The following GPATCH2 variants were observed in gnomAD, a reference collection of about 807,000 sequenced individuals.
GPATCH2 encodes G patch domain-containing protein 2.
In GPATCH2, 51 loss-of-function variants were observed where a neutral mutation model predicts 58.0. The ratio of observed to expected loss-of-function variants is 0.88; its 90% CI spans 0.70 to 1.11. The LOEUF (loss-of-function observed/expected upper bound fraction) is 1.11. Among genes scored for constraint, GPATCH2 ranks in the 50% most tolerant of loss-of-function variants. The pLI is 0.00. For synonymous variants in GPATCH2, 222 were observed against 218.5 expected, an observed-to-expected ratio of 1.02 and a Z score of -0.14; for missense variants, 625 against 652.2, an observed-to-expected ratio of 0.96 and a Z score of 0.45.
At chr1:217,605,601 T>TC (rs567680096) in intron 5 of GPATCH2, among the ~76,000 whole-genome samples, 22 of 152,224 alleles carry the variant, frequency 1.4e-4, no homozygotes, top group Non-Finnish European at 2.6e-4. Context: ...GTCATTTATT[T>TC]CCTGATCTTT....
intron 8 of GPATCH2, among the ~76,000 whole-genome samples, chr1:217,453,281 G>C (rs922315127): frequency 6.6e-6 from 1 of 152,130 alleles, no homozygotes; most frequent in African/African-American, 2.4e-5. Flanking sequence ...ACAATATTAA[G>C]ATCCTTTTGT....
intron 8 of GPATCH2, among the ~76,000 whole-genome samples, chr1:217,450,433 G>T (rs1284841796): frequency 6.6e-6 from 1 of 152,040 alleles, no homozygotes. Flanking sequence ...TAAATATAAT[G>T]AAAAATTAGT....
At chr1:217,437,500 C>T (rs1450022730) in intron 9 of GPATCH2, among the ~76,000 whole-genome samples, 2 of 152,164 alleles carry the variant, frequency 1.3e-5, no homozygotes. Context: ...TTCTCACTGC[C>T]AGCACAGTAG....
chr1:217,557,013 G>A (rs1217638995), intron 5 of GPATCH2, among the ~76,000 whole-genome samples: 1 of 152,030 alleles, frequency 6.6e-6, no homozygotes, highest in South Asian at 2.1e-4. Context: ...CTTTACTTTC[G>A]CTCATCTTTC....
intron 5 of GPATCH2, among the ~76,000 whole-genome samples, chr1:217,559,491 C>A (rs962523160): frequency 1.3e-5 from 2 of 152,158 alleles, no homozygotes; most frequent in Non-Finnish European, 2.9e-5. Context: ...TCACTATCAC[C>A]CACCTTGCCC....
At chr1:217,523,754 G>T (rs1244017452) in intron 5 of GPATCH2, among the ~76,000 whole-genome samples, 4 of 149,716 alleles carry the variant, frequency 2.7e-5, no homozygotes, top group Non-Finnish European at 5.9e-5. Context: ...GGGCGGCCGG[G>T]CAGAGGCGCC....
chr1:217,583,198 A>T (rs543173206), intron 5 of GPATCH2, among the ~76,000 whole-genome samples: 2 of 152,326 alleles, frequency 1.3e-5, no homozygotes, highest in South Asian at 2.1e-4. Context: ...ACAAAAAAAC[A>T]ATGAAATGAA....
intron 9 of GPATCH2, among the ~76,000 whole-genome samples, chr1:217,433,784 C>T (rs942378055): frequency 1.3e-5 from 2 of 152,164 alleles, no homozygotes; most frequent in Non-Finnish European, 2.9e-5. Context: ...CAGCATTGAA[C>T]CAACGGTGTA....
At position 217,537,913 on chromosome 1, in the gene GPATCH2, A is replaced by T. The variant is rs148003587; in HGVS notation, c.1099-23024T>A. On this transcript the variant is annotated intron_variant, in intron 5 of 9. Coordinates refer to ENST00000366935, the MANE Select transcript of GPATCH2 (RefSeq NM_018040.5). The stretch of plus-strand genomic sequence containing the variant: ...ATTATAATATCTAACTACTATACAT[A>T]TTTATTTCTTTCAGTAACAAACACT... 4.1e-3 allele frequency among the ~76,000 whole-genome samples: 632 copies of T among 152,302 alleles called. 8 individuals are homozygous for T. The highest frequency in any genetic ancestry group is 0.014 in the African/African-American group (597 of 41,570).
At chr1:217,479,385 T>G (rs900194231) in intron 8 of GPATCH2, among the ~76,000 whole-genome samples, 16 of 152,080 alleles carry the variant, frequency 1.1e-4, no homozygotes, top group Non-Finnish European at 2.4e-4. Context: ...GAGAATGAGG[T>G]TGAGGCATAG....
In GPATCH2 at chr1:217,631,000, G is replaced by A. The variant is rs765187256; in HGVS notation, c.-29C>T. On this transcript the variant is annotated 5_prime_UTR_variant, in exon 1 of 10. Transcript: ENST00000366935. ...CGACACCCGGGAGCCTGGCCTCGAA[G>A]CTCAGGCCCGTGAACAGACTCCAAC... 1 of 1,570,140 alleles carries A rather than the reference G, an allele frequency of 6.4e-7. No homozygotes were observed. Among genetic ancestry groups the A allele is most frequent in the Non-Finnish European group, 8.6e-7 (1 of 1,162,172 alleles).
chr1:217,541,700 G>T (rs1664750335), intron 5 of GPATCH2, among the ~76,000 whole-genome samples: 1 of 152,262 alleles, frequency 6.6e-6, no homozygotes, highest in East Asian at 1.9e-4. Flanking sequence ...ATAGTTAAAT[G>T]CATACATATA....
chr1:217,564,728 T>C (rs1024275763), intron 5 of GPATCH2, among the ~76,000 whole-genome samples: 12 of 152,198 alleles, frequency 7.9e-5, no homozygotes, highest in African/African-American at 9.7e-5. Flanking sequence ...TCTGCTTCTT[T>C]CATTAAGAAA....
At chr1:217,543,940 G>T (rs2102650387) in intron 5 of GPATCH2, among the ~76,000 whole-genome samples, 1 of 152,242 alleles carries the variant, frequency 6.6e-6, no homozygotes, top group African/African-American at 2.4e-5. Context: ...GCTAACAGTT[G>T]TATTGCTTCT....
intron 5 of GPATCH2, among the ~76,000 whole-genome samples, chr1:217,579,965 C>T (rs899625025): frequency 3.1e-4 from 47 of 152,182 alleles, no homozygotes; most frequent in African/African-American, 1.1e-3. Flanking sequence ...TATTAAGATA[C>T]GTTCAAAGTA....
At chr1:217,453,678 A>G (rs1659780068) in intron 8 of GPATCH2, among the ~76,000 whole-genome samples, 1 of 152,104 alleles carries the variant, frequency 6.6e-6, no homozygotes, top group African/African-American at 2.4e-5. Flanking sequence ...AACCCAATAA[A>G]CTCAAAACAA....
chr1:217,630,874 A>ACCCTT (rs780572719), intron 1 of GPATCH2, 42 bp downstream of exon 1: 10 of 1,478,538 alleles, frequency 6.8e-6, no homozygotes, highest in Middle Eastern at 1.7e-4. Flanking sequence ...GGGCAATCAC[A>ACCCTT]CCCTTCCCTG....
chr1:217,601,886 T>C lies in GPATCH2; in HGVS notation c.1098+8435A>G, dbSNP rs544565690. ...TAAGCTTCAAGAGATCGTATCTAAC[T>C]TGTTCATCACTAACACCCAAGGCCC... On this transcript the variant is annotated intron_variant, in intron 5 of 9. Transcript: ENST00000366935. 3.9e-5 allele frequency among the ~76,000 whole-genome samples: 6 copies of C among 152,320 alleles called. No individual in the cohort carries two copies. In the South Asian group the frequency reaches 1.2e-3, roughly 32 times the overall value.
chr1:217,490,001 G>A (rs922086042), intron 8 of GPATCH2, among the ~76,000 whole-genome samples: 6 of 152,136 alleles, frequency 3.9e-5, no homozygotes, highest in Non-Finnish European at 8.8e-5. Flanking sequence ...ATATTGGCTC[G>A]TTATTCATTC....
Sources: gnomAD v4.1 joint callset for allele counts (sites outside exome capture counted in the v4.1 genomes callset) on GRCh38, gnomAD v4.1.1 for gene constraint, MANE v1.5 for transcripts, NCBI Gene and HGNC (gene_info 2026-07-23, HGNC 2026-07-21) for gene names.